The following CYSLTR1 variants were observed in gnomAD, a reference collection of about 807,000 sequenced individuals.
CYSLTR1 encodes the protein G-protein coupled receptor HG55.
In CYSLTR1, 1 loss-of-function variant was observed where a neutral mutation model predicts 2.1. The ratio of observed to expected loss-of-function variants is 0.48; its 90% CI spans 0.17 to 2.28. CYSLTR1 has a LOEUF of 2.28. Ranked by LOEUF, CYSLTR1 falls within the 30% of genes most tolerant of loss-of-function variation. The pLI, the probability that CYSLTR1 is intolerant of heterozygous loss-of-function variation, is 0.26. For synonymous variants in CYSLTR1, 110 were observed against 89.6 expected (o/e 1.23, Z -1.28); for missense variants, 299 against 250.1 (o/e 1.20, Z -1.32).
At chrX:78,307,926 T>C (rs917948434) in intron 1 of CYSLTR1, among the ~76,000 whole-genome samples, 3 of 111,436 alleles carry the variant, frequency 2.7e-5, no homozygotes, top group African/African-American at 9.8e-5. Context: ...AAAAAGAGTT[T>C]ATCAGGGATC....
In CYSLTR1 at chrX:78,273,287, T is replaced by A; in HGVS notation, c.460A>T (p.Thr154Ser). Residue 154 changes from threonine (T) to serine (S), a missense_variant, in exon 3 of 3, where the codon ACC (threonine) becomes TCC (serine). Transcript: ENST00000373304. The part of the protein sequence containing the change: ...CVGIWIFVIL[T>S]SSPFLMAKPQ... ...TTGGCCATTAGAAATGGAGAACTGG[T>A]CAAAATCACAAAAATCCAAATACCT... The A allele has an allele frequency of 8.3e-7, 1 of 1,209,798 alleles. No homozygotes were observed. The highest frequency in any genetic ancestry group is 1.8e-5 in the South Asian group (1 of 56,816).
At chrX:78,301,170 G>A (rs1466108097) in intron 1 of CYSLTR1, among the ~76,000 whole-genome samples, 4 of 112,071 alleles carry the variant, frequency 3.6e-5, no homozygotes, top group Non-Finnish European at 7.5e-5. Context: ...GTGATGGGAG[G>A]GGCTGCTGCA....
intron 2 of CYSLTR1, among the ~76,000 whole-genome samples, chrX:78,280,624 T>C (rs1921803747): frequency 9.0e-6 from 1 of 111,025 alleles, no homozygotes; most frequent in Non-Finnish European, 1.9e-5. Flanking sequence ...GGTAAACTTG[T>C]GTCATGTGTT....
intron 2 of CYSLTR1, among the ~76,000 whole-genome samples, chrX:78,281,124 T>A (rs986249112): frequency 5.4e-5 from 6 of 111,662 alleles, no homozygotes; most frequent in Non-Finnish European, 9.4e-5. Flanking sequence ...CTGGGTGGAA[T>A]GATAGTTCTA....
intron 1 of CYSLTR1, among the ~76,000 whole-genome samples, chrX:78,294,241 G>A (rs774185736): frequency 8.9e-6 from 1 of 112,670 alleles, no homozygotes; most frequent in Non-Finnish European, 1.9e-5. Context: ...GCTGGAGTTT[G>A]CTGGAGTTCC....
intron 2 of CYSLTR1, among the ~76,000 whole-genome samples, chrX:78,279,034 C>A (rs1476734088): frequency 8.9e-6 from 1 of 112,060 alleles, no homozygotes. Context: ...AAATACCATT[C>A]TCGACATAGT....
At chrX:78,313,314 G>A (rs1014130703) in intron 1 of CYSLTR1, among the ~76,000 whole-genome samples, 6 of 110,984 alleles carry the variant, frequency 5.4e-5, no homozygotes, top group African/African-American at 2.0e-4. Context: ...ACTACCTGAT[G>A]GGGGAGAAAG....
chrX:78,309,303 G>T (rs1308065155), intron 1 of CYSLTR1, among the ~76,000 whole-genome samples: 3 of 111,438 alleles, frequency 2.7e-5, no homozygotes, highest in African/African-American at 9.8e-5. Context: ...TACAGGAAAA[G>T]GTATAATTCC....
At chrX:78,305,433 A>G (rs1440931093) in intron 1 of CYSLTR1, among the ~76,000 whole-genome samples, 2 of 111,742 alleles carry the variant, frequency 1.8e-5, no homozygotes. Context: ...TTCTGATCAA[A>G]GTTGTCCCTG....
intron 1 of CYSLTR1, among the ~76,000 whole-genome samples, chrX:78,308,502 C>G (rs1352670168): frequency 3.6e-5 from 4 of 110,741 alleles, no homozygotes; most frequent in African/African-American, 6.6e-5. Context: ...ATTTTTATAT[C>G]TAGAAAGATT....
chrX:78,287,755 TG>T (rs1322686498), intron 1 of CYSLTR1, among the ~76,000 whole-genome samples: 3 of 110,948 alleles, frequency 2.7e-5, no homozygotes, highest in African/African-American at 9.8e-5. Context: ...AGCAGATCCC[TG>T]GGAATAGGAA....
intron 1 of CYSLTR1, among the ~76,000 whole-genome samples, chrX:78,288,767 A>G (rs965875983): frequency 2.7e-5 from 3 of 110,991 alleles, no homozygotes; most frequent in South Asian, 7.7e-4. Flanking sequence ...ATTATTCACT[A>G]TAGTCACTCT....
rs149264620 is a variant in CYSLTR1, at chrX:78,276,231, G to T, written c.-27-2458C>A. On this transcript the variant is annotated intron_variant, in intron 2 of 2. Coordinates refer to ENST00000373304, the MANE Select transcript of CYSLTR1 (RefSeq NM_006639.4). ...CAGTCAATAAGTTCTGATCAGAGAA[G>T]GCTTGAGGTGAGATACTGTAGTGTA... Among the ~76,000 whole-genome samples, 8 of 112,065 alleles carry T rather than the reference G, an allele frequency of 7.1e-5. No individual in the cohort carries two copies. In the East Asian group the frequency reaches 2.2e-3, roughly 31 times the overall value.
intron 1 of CYSLTR1, among the ~76,000 whole-genome samples, chrX:78,285,769 T>C (rs890723065): frequency 8.9e-6 from 1 of 112,052 alleles, no homozygotes; most frequent in Non-Finnish European, 1.9e-5. Context: ...GGTTCCTTTA[T>C]GAATTAGCCT....
At position 78,275,200 on chromosome X, in the gene CYSLTR1, A is replaced by G. The variant is rs187490303; in HGVS notation, c.-27-1427T>C. On this transcript the variant is annotated intron_variant, in intron 2 of 2. Transcript: ENST00000373304. ...TCCTCAAGGATCTAGAACTAGAAAT[A>G]TCATTTGACCAAGCCATCCCATTAC... is the stretch of plus-strand genomic sequence containing the variant. 2.5e-3 allele frequency among the ~76,000 whole-genome samples: 285 copies of G among 112,220 alleles called. 1 individual carries two copies. Among genetic ancestry groups the G allele is most frequent in the African/African-American group, 8.8e-3 (272 of 30,927 alleles).
intron 1 of CYSLTR1, among the ~76,000 whole-genome samples, chrX:78,310,684 G>A (rs1923184982): frequency 8.9e-6 from 1 of 111,909 alleles, no homozygotes; most frequent in Non-Finnish European, 1.9e-5. Context: ...ATGGGTGCAT[G>A]TATTTGTAGA....
At chrX:78,313,277 T>C (rs765292602) in intron 1 of CYSLTR1, among the ~76,000 whole-genome samples, 1 of 111,124 alleles carries the variant, frequency 9.0e-6, no homozygotes, top group South Asian at 3.8e-4. Flanking sequence ...CATATAGACA[T>C]AAATATTGGA....
chrX:78,296,892 T>C (rs985062930), intron 1 of CYSLTR1, among the ~76,000 whole-genome samples: 6 of 111,702 alleles, frequency 5.4e-5, no homozygotes, highest in African/African-American at 1.9e-4. Context: ...TTCTTTTTCT[T>C]TTCTGATTGC....
At chrX:78,288,108 C>T (rs752649211) in intron 1 of CYSLTR1, among the ~76,000 whole-genome samples, 5 of 110,315 alleles carry the variant, frequency 4.5e-5, no homozygotes, top group East Asian at 2.9e-4. Context: ...AAGGCTCAGG[C>T]GGGGAGAATT....
Sources: gnomAD v4.1 joint callset for allele counts (sites outside exome capture counted in the v4.1 genomes callset) on GRCh38, gnomAD v4.1.1 for gene constraint, MANE v1.5 for transcripts, NCBI Gene and HGNC (gene_info 2026-07-23, HGNC 2026-07-21) for gene names.